TANC2: variants seen among roughly 807,000 people sequenced by gnomAD.
TANC2 encodes protein TANC2.
A neutral mutation model predicts 210.5 loss-of-function variants in TANC2; 26 were observed. The ratio of observed to expected loss-of-function variants is 0.12; its 90% CI spans 0.09 to 0.17. TANC2 has a LOEUF of 0.17. Among genes scored for constraint, TANC2 ranks in the 10% least tolerant of loss-of-function variants. The pLI is 1.00. For synonymous variants in TANC2, 931 were observed against 967.1 expected, an observed-to-expected ratio of 0.96 and a Z score of 0.69; for missense variants, 2,129 against 2,608.9, an observed-to-expected ratio of 0.82 and a Z score of 4.01.
chr17:63,217,688 A>T (rs1433494587), intron 7 of TANC2, among the ~76,000 whole-genome samples: 1 of 152,116 alleles, frequency 6.6e-6, no homozygotes, highest in Admixed American at 6.6e-5. Context: ...TTCTACACAG[A>T]CTCCTCCAGG....
intron 1 of TANC2, among the ~76,000 whole-genome samples, chr17:62,971,788 A>G (rs1373341580): frequency 6.6e-6 from 1 of 152,096 alleles, no homozygotes; most frequent in Non-Finnish European, 1.5e-5. Context: ...TTCTCATAGG[A>G]GCTTGAACCC....
rs761377618 is a variant in TANC2 at position 63,421,417 on chromosome 17, T to C, written c.5687T>C (p.Leu1896Pro). ...TCCATCCAGCAAATGGAGATCCCAC[T>C]GAAACCTGCATATGAGAGGTCATGT... Residue 1896 changes from leucine to proline, a missense_variant, in exon 28 of 28, where the codon CTG (leucine) becomes CCG (proline). Leu to Pro is a moderately conservative substitution (Grantham distance 98, BLOSUM62 -3). This residue lies in a region of TANC2 where 584 missense variants were observed against 627.3 expected (regional missense o/e 0.93). Coordinates refer to ENST00000689528, the Ensembl canonical transcript of TANC2. This position sits in a 1 kb window ranked among gnomAD's most constrained non-coding sequence, Gnocchi z 6.9. The C allele has an allele frequency of 6.2e-7, 1 of 1,613,978 alleles. No individual in the cohort carries two copies. The highest frequency in any genetic ancestry group is 1.1e-5 in the South Asian group (1 of 91,086).
At chr17:63,363,783 T>C (rs2047032645) in intron 14 of TANC2, among the ~76,000 whole-genome samples, 2 of 152,230 alleles carry the variant, frequency 1.3e-5, no homozygotes, top group Non-Finnish European at 2.9e-5. Flanking sequence ...TCAGGCAATA[T>C]GATTCCTCCA....
exon 28 of TANC2, chr17:63,426,389 G>C (rs1406097943): frequency 6.6e-6 from 1 of 152,400 alleles, no homozygotes; most frequent in Non-Finnish European, 1.5e-5. Flanking sequence ...GCTGGCTGGG[G>C]GCCTGGACAC....
At chr17:63,121,187 A>G (rs900069186) in intron 4 of TANC2, among the ~76,000 whole-genome samples, 1 of 152,208 alleles carries the variant, frequency 6.6e-6, no homozygotes, top group Non-Finnish European at 1.5e-5. Context: ...GGAATTAATC[A>G]TAATATTTCG....
intron 11 of TANC2, chr17:63,320,454 A>T (rs1159844342): frequency 6.6e-6 from 1 of 152,050 alleles, no homozygotes; most frequent in Non-Finnish European, 1.5e-5. Context: ...TCTCGATTTT[A>T]TTCTTCATTT....
intron 3 of TANC2, among the ~76,000 whole-genome samples, chr17:63,096,787 A>G (rs931979871): frequency 6.6e-6 from 1 of 152,128 alleles, no homozygotes; most frequent in East Asian, 1.9e-4. Flanking sequence ...TGGCTAAGTT[A>G]TATGGTAATT....
chr17:63,397,349 A>T (rs187345704), intron 18 of TANC2, among the ~76,000 whole-genome samples: 37 of 152,286 alleles, frequency 2.4e-4, no homozygotes, highest in African/African-American at 8.2e-4. Flanking sequence ...AATACTCTTA[A>T]TTGAAAGCTT....
At chr17:62,976,514 T>C (rs1399006778) in intron 1 of TANC2, among the ~76,000 whole-genome samples, 2 of 151,928 alleles carry the variant, frequency 1.3e-5, no homozygotes, top group Non-Finnish European at 2.9e-5. Flanking sequence ...ATTTACAGTG[T>C]AAAATAATAT....
Position 63,418,468 on chromosome 17 carries a change from A to G in TANC2, c.4268+61A>G. 3 of 1,482,132 alleles carry G rather than the reference A, an allele frequency of 2.0e-6. No individual in the cohort carries two copies. Among genetic ancestry groups the G allele is most frequent in the South Asian group, 2.4e-5 (2 of 83,098 alleles). The allele number at this position is 1,482,132 out of a possible 1,614,324, so 91.8% of individuals were successfully genotyped here. On this transcript the variant is annotated intron_variant, in intron 27 of 27. Coordinates refer to ENST00000689528, the Ensembl canonical transcript of TANC2. This position sits in a 1 kb window ranked among gnomAD's most constrained non-coding sequence, Gnocchi z 4.6. ...TCTTTTCTGAAAATTTGGCCAAGGC[A>G]GCGTCGGCCACCCTGGGGCATATGT...
chr17:63,345,934 A>G (rs1308060259), intron 12 of TANC2, among the ~76,000 whole-genome samples: 1 of 152,238 alleles, frequency 6.6e-6, no homozygotes, highest in African/African-American at 2.4e-5. Flanking sequence ...ATACAAGGAT[A>G]GAAAATAGAT....
chr17:63,406,267 G>A (rs759951410), exon 21 of TANC2: 3 of 1,613,750 alleles, frequency 1.9e-6, no homozygotes, highest in Admixed American at 1.7e-5. Context: ...TGGACTTTCT[G>A]CTTGCACAAG....
At chr17:63,250,358 G>T (rs538817452) in intron 8 of TANC2, among the ~76,000 whole-genome samples, 5 of 151,962 alleles carry the variant, frequency 3.3e-5, no homozygotes, top group African/African-American at 9.6e-5. Context: ...GATTGGTCTC[G>T]ATCCCTGGGC....
chr17:63,265,821 C>G (rs896351912), intron 8 of TANC2, among the ~76,000 whole-genome samples: 2 of 150,972 alleles, frequency 1.3e-5, no homozygotes, highest in African/African-American at 4.9e-5. Context: ...TTTTTTGTTT[C>G]CCTTTAAAAT....
At chr17:63,106,631 A>C (rs1367707326) in intron 4 of TANC2, among the ~76,000 whole-genome samples, 1 of 151,678 alleles carries the variant, frequency 6.6e-6, no homozygotes, top group Non-Finnish European at 1.5e-5. Context: ...GAGGAACCTG[A>C]CTAAAGTTTG....
chr17:63,363,627 C>T (rs2047026038), intron 14 of TANC2, among the ~76,000 whole-genome samples: 1 of 152,164 alleles, frequency 6.6e-6, no homozygotes. Flanking sequence ...GTCCTTTCCC[C>T]AAAGTATGTT....
intron 1 of TANC2, 95 bp from the exon 2 acceptor site, chr17:63,009,441 GT>G: frequency 1.3e-6 from 1 of 759,696 alleles, no homozygotes; most frequent in Non-Finnish European, 2.2e-6. Context: ...TACCCTTTAA[GT>G]TATTAAAACA....
exon 28 of TANC2, chr17:63,422,192 G>A: frequency 2.1e-6 from 1 of 472,672 alleles, no homozygotes; most frequent in Non-Finnish European, 3.7e-6. Context: ...CCTCTCTTCA[G>A]ATGCCAACGA....
intron 3 of TANC2, among the ~76,000 whole-genome samples, chr17:63,077,595 G>A (rs1342148062): frequency 6.6e-6 from 1 of 152,148 alleles, no homozygotes; most frequent in Non-Finnish European, 1.5e-5. Flanking sequence ...GACAACTGAT[G>A]AGAGTCTCAA....
Sources: allele counts gnomAD v4.1 joint callset (sites outside exome capture counted in the v4.1 genomes callset), GRCh38; gene constraint gnomAD v4.1.1; regional missense constraint gnomAD v4.1.1; non-coding constraint Gnocchi (gnomAD v3.1); transcripts MANE v1.5; gene names NCBI Gene and HGNC (gene_info 2026-07-23, HGNC 2026-07-21).